Variants in UACA observed in about 807,000 individuals in gnomAD.
UACA encodes the protein uveal autoantigen with coiled-coil domains and ankyrin repeats.
In UACA, 112 loss-of-function variants were observed where a neutral mutation model predicts 160.5. The observed-to-expected ratio is 0.70, with a 90% CI of 0.60 to 0.82. The LOEUF (loss-of-function observed/expected upper bound fraction) is 0.82. UACA is among the 40% of genes least tolerant of loss of function. The probability of loss-of-function intolerance (pLI) is 0.00; values close to 1 mark genes in which losing one functional copy is unlikely to be tolerated. For missense variants in UACA, 1,574 were observed against 1,614.6 expected (o/e 0.97, Z 0.43); for synonymous variants, 557 against 568.4 (o/e 0.98, Z 0.29).
At chr15:70,677,924 C>G (rs1476268598) in intron 11 of UACA, among the ~76,000 whole-genome samples, 175 bp downstream of exon 11, 2 of 152,144 alleles carry the variant, frequency 1.3e-5, no homozygotes, top group African/African-American at 4.8e-5. Flanking sequence ...ACTGTCCTTA[C>G]TTGTTAGCTT....
chr15:70,659,383 C>T (rs1259172503), intron 18 of UACA, among the ~76,000 whole-genome samples: 203 of 18,018 alleles, frequency 0.011, no homozygotes, highest in Non-Finnish European at 0.026. Context: ...TTCCCTTCTT[C>T]ATTTTTTGTT....
intron 1 of UACA, among the ~76,000 whole-genome samples, chr15:70,708,274 C>T (rs1898577241): frequency 6.6e-6 from 1 of 151,990 alleles, no homozygotes. Context: ...GTGGCAGGAG[C>T]AGAGGTGGGG....
the UACA span, among the ~76,000 whole-genome samples, chr15:70,774,957 G>C: frequency 6.6e-6 from 1 of 152,060 alleles, no homozygotes; most frequent in Non-Finnish European, 1.5e-5. Context: ...GGTCGGGGGA[G>C]GCCAAGGTGG....
At position 70,688,612 on chromosome 15, in the gene UACA, T is replaced by A. The variant is rs1897815661; in HGVS notation, c.425-792A>T. 7.2e-5 allele frequency among the ~76,000 whole-genome samples: 11 copies of A among 152,286 alleles called. 1 individual carries two copies. The South Asian group carries it at 2.3e-3, about 32-fold the overall frequency. On this transcript the variant is annotated intron_variant, in intron 5 of 18. Coordinates refer to ENST00000322954, the MANE Select transcript of UACA (RefSeq NM_018003.4). ...CATCAGCTTTAAGAAAAAGATAAACTGAACCTGAAAACATTAATTCAGGAA... is the reference window on the plus strand; with the variant it reads ...CATCAGCTTTAAGAAAAAGATAAACAGAACCTGAAAACATTAATTCAGGAA...
chr15:70,761,354 C>G (rs1247629038), intron 1 of UACA, among the ~76,000 whole-genome samples: 1 of 151,356 alleles, frequency 6.6e-6, no homozygotes, highest in African/African-American at 2.4e-5. Context: ...AATATTAAAC[C>G]ATGTGCTATA....
intron 1 of UACA, among the ~76,000 whole-genome samples, chr15:70,745,144 C>G (rs141588740): frequency 6.6e-6 from 1 of 152,174 alleles, no homozygotes; most frequent in Non-Finnish European, 1.5e-5. Context: ...AGAGAGGACA[C>G]AAACAGGCCA....
intron 17 of UACA, among the ~76,000 whole-genome samples, chr15:70,664,320 T>A (rs2140892834): frequency 6.6e-6 from 1 of 152,326 alleles, no homozygotes; most frequent in East Asian, 1.9e-4. Flanking sequence ...GTCAGCCAGT[T>A]CCAGGTTTAT....
At chr15:70,762,662 AC>A (rs1261680931) in intron 1 of UACA, among the ~76,000 whole-genome samples, 1 of 152,020 alleles carries the variant, frequency 6.6e-6, no homozygotes, top group Non-Finnish European at 1.5e-5. Flanking sequence ...AACCCACATC[AC>A]CACCACCCCT....
chr15:70,677,378 T>C (rs1566970397), intron 11 of UACA, among the ~76,000 whole-genome samples: 2 of 152,216 alleles, frequency 1.3e-5, no homozygotes, highest in Admixed American at 1.3e-4. Context: ...TCCTACTTGT[T>C]CTTGGTCCTC....
chr15:70,737,643 G>A (rs938643166), intron 1 of UACA, among the ~76,000 whole-genome samples: 3 of 152,148 alleles, frequency 2.0e-5, no homozygotes, highest in Non-Finnish European at 4.4e-5. Flanking sequence ...AGAAGGCAGA[G>A]GCTGCAGTGA....
intron 3 of UACA, among the ~76,000 whole-genome samples, chr15:70,693,581 G>C (rs1898017031): frequency 6.6e-6 from 1 of 151,902 alleles, no homozygotes; most frequent in Admixed American, 6.6e-5. Flanking sequence ...ATAAATAGCA[G>C]CAAAAACAAA....
intron 2 of UACA, 124 bp downstream of exon 2, chr15:70,699,403 A>G (rs1393561459): frequency 9.4e-7 from 1 of 1,058,518 alleles, no homozygotes; most frequent in African/African-American, 1.6e-5. Flanking sequence ...GAAAGATTTT[A>G]TAGTGCAGGT....
Position 70,712,064 on chromosome 15 carries a change from A to ATATATATATATATATC in UACA, c.79-12405_79-12404insGATATATATATATATA, listed in dbSNP as rs909386790. Among the ~76,000 whole-genome samples, 5 of 145,552 alleles carry ATATATATATATATATC rather than the reference A, an allele frequency of 3.4e-5. 1 individual carries two copies. Among genetic ancestry groups the ATATATATATATATATC allele is most frequent in the African/African-American group, 1.4e-4 (5 of 35,822 alleles). ...CTAAGCTCCAGGCATATATATATAT[A>ATATATATATATATATC]TATCTCCATATACCTTCTTCATGAT... On this transcript the variant is annotated intron_variant, in intron 1 of 18. Coordinates refer to ENST00000322954, the MANE Select transcript of UACA (RefSeq NM_018003.4).
At chr15:70,657,307 GA>G (rs144979195) in intron 18 of UACA, among the ~76,000 whole-genome samples, 180 bp from the exon 19 acceptor site, 2,099 of 152,272 alleles carry the variant, frequency 0.014, 46 homozygotes, top group African/African-American at 0.047. Flanking sequence ...ATGAAAATAA[GA>G]TCAATTAATA....
chr15:70,666,660 C>T, intron 16 of UACA, 64 bp downstream of exon 16: 2 of 1,304,968 alleles, frequency 1.5e-6, no homozygotes, highest in South Asian at 3.4e-5. Context: ...CTGTGAGATT[C>T]TGTGGTAAAG....
At chr15:70,718,058 C>CACAT (rs1555414601) in intron 1 of UACA, among the ~76,000 whole-genome samples, 4 of 146,036 alleles carry the variant, frequency 2.7e-5, no homozygotes, top group African/African-American at 1.1e-4. Flanking sequence ...CACACACACA[C>CACAT]ATATATATCC....
At chr15:70,681,717 T>C (rs1462387911) in intron 9 of UACA, 1 of 152,184 alleles carries the variant, frequency 6.6e-6, no homozygotes, top group Non-Finnish European at 1.5e-5. Flanking sequence ...GATGGAAAAG[T>C]GTCAACAGAC....
intron 15 of UACA, among the ~76,000 whole-genome samples, chr15:70,670,080 G>A (rs1897082294): frequency 1.3e-5 from 2 of 152,192 alleles, no homozygotes; most frequent in Admixed American, 1.3e-4. Context: ...GCCAGCACCA[G>A]GGAAAGAGAG....
chr15:70,749,307 AC>A, intron 1 of UACA: 1 of 361,694 alleles, frequency 2.8e-6, no homozygotes, highest in Non-Finnish European at 5.5e-6. Flanking sequence ...TGGGCGGATC[AC>A]CAGGTCAGGA....
Sources: gnomAD v4.1 joint callset for allele counts (sites outside exome capture counted in the v4.1 genomes callset) on GRCh38, gnomAD v4.1.1 for gene constraint, MANE v1.5 for transcripts, NCBI Gene and HGNC (gene_info 2026-07-23, HGNC 2026-07-21) for gene names.